PRKG1: variants seen among roughly 807,000 people sequenced by gnomAD.
The protein encoded by PRKG1 is protein kinase cGMP-dependent 1, also known as cGMP-dependent protein kinase 1.
In PRKG1, 35 loss-of-function variants were observed where a neutral mutation model predicts 88.1. The observed-to-expected ratio is 0.40, with a 90% confidence interval of 0.30 to 0.53. The LOEUF is 0.53. Ranked by LOEUF, PRKG1 falls within the 20% of genes least tolerant of loss-of-function variation. PRKG1 has a pLI of 0.59. For synonymous variants in PRKG1, 303 were observed against 292.5 expected (o/e 1.04, Z -0.37); for missense variants, 540 against 839.8 (o/e 0.64, Z 4.41).
At chr10:51,918,490 G>A in intron 5 of PRKG1, among the ~76,000 whole-genome samples, 1 of 152,010 alleles carries the variant, frequency 6.6e-6, no homozygotes, top group Non-Finnish European at 1.5e-5. Context: ...TTTGCTCCAT[G>A]CTGCTTGTAA....
chr10:51,580,193 G>C (rs1049233925), intron 3 of PRKG1, among the ~76,000 whole-genome samples: 3 of 152,066 alleles, frequency 2.0e-5, no homozygotes, highest in African/African-American at 7.2e-5. Context: ...ATGTTTTTAA[G>C]ATATATCCAT....
At chr10:51,936,533 AGGCATAG>A (rs955209162) in intron 5 of PRKG1, among the ~76,000 whole-genome samples, 22 of 152,170 alleles carry the variant, frequency 1.4e-4, no homozygotes, top group African/African-American at 5.1e-4. Context: ...TGATCTGTGT[AGGCATAG>A]TACTGGATTC....
At chr10:51,499,693 A>C (rs548679964) in intron 3 of PRKG1, among the ~76,000 whole-genome samples, 2 of 152,302 alleles carry the variant, frequency 1.3e-5, no homozygotes, top group East Asian at 1.9e-4. Flanking sequence ...TAATCCCAGC[A>C]CTTTGGAGGC....
intron 3 of PRKG1, among the ~76,000 whole-genome samples, chr10:51,717,142 C>T (rs575567105): frequency 3.3e-5 from 5 of 152,182 alleles, no homozygotes; most frequent in South Asian, 2.1e-4. Context: ...CTCAGGTCGA[C>T]GTACCCAGGT....
intron 10 of PRKG1, among the ~76,000 whole-genome samples, chr10:52,259,418 T>C (rs1460665900): frequency 6.6e-6 from 1 of 152,058 alleles, no homozygotes. Context: ...ATGTAGAAAA[T>C]AGTCATGTCT....
intron 2 of PRKG1, among the ~76,000 whole-genome samples, chr10:51,294,952 A>G (rs766914076): frequency 2.0e-5 from 3 of 152,078 alleles, no homozygotes; most frequent in Non-Finnish European, 2.9e-5. Context: ...GTATGGTGGC[A>G]CTTGCCTGTA....
chr10:51,674,039 T>A (rs1327582597), intron 3 of PRKG1, among the ~76,000 whole-genome samples: 1 of 152,198 alleles, frequency 6.6e-6, no homozygotes, highest in African/African-American at 2.4e-5. Context: ...GAGGGGCATA[T>A]TGGAGAATAC....
chr10:51,369,224 A>G (rs924340332), intron 2 of PRKG1, among the ~76,000 whole-genome samples: 1 of 152,066 alleles, frequency 6.6e-6, no homozygotes, highest in Non-Finnish European at 1.5e-5. Context: ...GAAGAATACC[A>G]TAGACTAGGT....
chr10:51,507,474 A>G (rs534823355), intron 3 of PRKG1, among the ~76,000 whole-genome samples: 1 of 152,162 alleles, frequency 6.6e-6, no homozygotes, highest in South Asian at 2.1e-4. Flanking sequence ...TAACTCAATA[A>G]TCTTAGCTAG....
intron 4 of PRKG1, among the ~76,000 whole-genome samples, chr10:51,895,678 A>G (rs1841827398): frequency 6.6e-6 from 1 of 152,072 alleles, no homozygotes; most frequent in African/African-American, 2.4e-5. Context: ...TTTCCCAAGC[A>G]GGTGGTTAGG....
At chr10:51,584,333 G>C (rs569910900) in intron 3 of PRKG1, among the ~76,000 whole-genome samples, 2 of 152,074 alleles carry the variant, frequency 1.3e-5, no homozygotes, top group Admixed American at 6.6e-5. Flanking sequence ...TCCAAGAATA[G>C]ACTACTACAT....
At chr10:51,423,674 A>C (rs1432694954) in intron 2 of PRKG1, among the ~76,000 whole-genome samples, 1 of 152,196 alleles carries the variant, frequency 6.6e-6, no homozygotes, top group African/African-American at 2.4e-5. Context: ...AATAATATAA[A>C]CAAAGCAATA....
At chr10:51,952,277 A>G (rs1009432185) in intron 5 of PRKG1, among the ~76,000 whole-genome samples, 10 of 152,194 alleles carry the variant, frequency 6.6e-5, no homozygotes, top group African/African-American at 2.4e-4. Context: ...TCTAGGAGCA[A>G]AGGCCTGGAC....
At chr10:51,113,805 A>G (rs938875996) in intron 1 of PRKG1, among the ~76,000 whole-genome samples, 3 of 151,890 alleles carry the variant, frequency 2.0e-5, no homozygotes, top group African/African-American at 7.3e-5. Flanking sequence ...TTTGCCAAAC[A>G]TAACTCAATT....
intron 4 of PRKG1, among the ~76,000 whole-genome samples, chr10:51,895,603 T>C (rs1841825266): frequency 6.6e-6 from 1 of 152,130 alleles, no homozygotes; most frequent in African/African-American, 2.4e-5. Context: ...TAGGGATCCA[T>C]CTGTAGGGCA....
intron 3 of PRKG1, among the ~76,000 whole-genome samples, chr10:51,789,581 C>T (rs967363770): frequency 3.9e-5 from 6 of 151,978 alleles, no homozygotes; most frequent in African/African-American, 1.2e-4. Context: ...TTATATGAGG[C>T]CTGTTTATGA....
At chr10:51,664,930 G>C (rs1302605478) in intron 3 of PRKG1, among the ~76,000 whole-genome samples, 2 of 152,082 alleles carry the variant, frequency 1.3e-5, no homozygotes, top group Non-Finnish European at 2.9e-5. Context: ...TGTTATAAGA[G>C]TATGTCAACA....
intron 3 of PRKG1, among the ~76,000 whole-genome samples, chr10:51,654,561 C>T (rs1564591942): frequency 6.6e-6 from 1 of 152,048 alleles, no homozygotes; most frequent in Non-Finnish European, 1.5e-5. Flanking sequence ...AAGAAAAACA[C>T]ACACACACAC....
At chr10:51,966,734 C>T (rs142045548) in intron 5 of PRKG1, among the ~76,000 whole-genome samples, 2 of 152,284 alleles carry the variant, frequency 1.3e-5, no homozygotes, top group East Asian at 3.9e-4. Flanking sequence ...GCCAGCAGCG[C>T]CCTGGTGTGC....
Sources: allele counts gnomAD v4.1 joint callset (sites outside exome capture counted in the v4.1 genomes callset), GRCh38; gene constraint gnomAD v4.1.1; transcripts MANE v1.5; gene names NCBI Gene and HGNC (gene_info 2026-07-23, HGNC 2026-07-21).